The following PHYH variants were observed in gnomAD, a reference collection of about 807,000 sequenced individuals.
PHYH encodes the protein phytanoyl-CoA 2-hydroxylase.
PHYH carries 32 observed loss-of-function variants against 38.5 expected under a neutral mutation model. The ratio of observed to expected loss-of-function variants is 0.83; its 90% CI spans 0.63 to 1.12. The LOEUF is 1.12. PHYH is among the 50% of genes most tolerant of loss of function. The probability of loss-of-function intolerance (pLI) is 0.00; values close to 1 mark genes in which losing one functional copy is unlikely to be tolerated. For synonymous variants in PHYH, 166 were observed against 157.9 expected, an observed-to-expected ratio of 1.05 and a Z score of -0.38; for missense variants, 426 against 434.8, an observed-to-expected ratio of 0.98 and a Z score of 0.18.
At chr10:13,297,244 G>A in intron 2 of PHYH, among the ~76,000 whole-genome samples, 1 of 152,094 alleles carries the variant, frequency 6.6e-6, no homozygotes, top group South Asian at 2.1e-4. Context: ...CTGTCCAGTT[G>A]ATGCATTCCA....
chr10:13,290,237 G>A (rs1292263101), intron 5 of PHYH, among the ~76,000 whole-genome samples: 1 of 151,442 alleles, frequency 6.6e-6, no homozygotes, highest in East Asian at 1.9e-4. Context: ...AGAGGTTGCA[G>A]TAAGCCGAGA....
intron 2 of PHYH, among the ~76,000 whole-genome samples, chr10:13,296,375 G>T (rs538287274): frequency 6.6e-6 from 1 of 151,018 alleles, no homozygotes; most frequent in African/African-American, 2.4e-5. Flanking sequence ...TCGGGAGTTC[G>T]AGACCAGCCT....
chr10:13,294,000 G>C (rs572944265), intron 4 of PHYH, among the ~76,000 whole-genome samples: 1 of 151,860 alleles, frequency 6.6e-6, no homozygotes, highest in Non-Finnish European at 1.5e-5. Flanking sequence ...TCAGAAGTTC[G>C]AGACCAGCCT....
At chr10:13,281,232 G>A in intron 7 of PHYH, 122 bp from the exon 8 acceptor site, 1 of 997,518 alleles carries the variant, frequency 1.0e-6, no homozygotes, top group Non-Finnish European at 1.5e-6. Context: ...TAAGTGGAAA[G>A]TCAGGTCCAT....
intron 5 of PHYH, among the ~76,000 whole-genome samples, chr10:13,291,007 G>T (rs1033430990): frequency 1.4e-5 from 2 of 146,852 alleles, no homozygotes; most frequent in African/African-American, 2.5e-5. Context: ...TGAGGCAGGA[G>T]AATCAGGAAT....
chr10:13,297,144 T>A (rs1169239559), intron 2 of PHYH, among the ~76,000 whole-genome samples: 2 of 152,162 alleles, frequency 1.3e-5, no homozygotes, highest in Non-Finnish European at 2.9e-5. Context: ...GATGATTTTT[T>A]AAAATTCCTT....
intron 1 of PHYH, 69 bp from the exon 2 acceptor site, chr10:13,298,314 TC>T: frequency 1.1e-6 from 1 of 940,530 alleles, no homozygotes; most frequent in Non-Finnish European, 1.7e-6. Context: ...TGCCTGTAAT[TC>T]CAGCACTTTG....
intron 5 of PHYH, among the ~76,000 whole-genome samples, chr10:13,289,636 C>T (rs1835653813): frequency 1.3e-5 from 2 of 151,834 alleles, no homozygotes; most frequent in South Asian, 4.2e-4. Flanking sequence ...TGGCTGATGT[C>T]AAAAAAAGTT....
chr10:13,294,286 G>A, intron 4 of PHYH, 142 bp downstream of exon 4: 1 of 734,304 alleles, frequency 1.4e-6, no homozygotes, highest in East Asian at 2.6e-5. Flanking sequence ...TGGTTCCTGG[G>A]ATCAAGCGAT....
At position 13,281,030 on chromosome 10, in the gene PHYH, T is replaced by C. The variant is rs1030044308; in HGVS notation, c.909A>G (p.Glu303=). Residue 303 remains glutamate, a synonymous_variant, in exon 8 of 9, where the codon GAA becomes GAG. Transcript: ENST00000263038. ...AGAATTTATGTGCTATTCCTACAAC[T>C]TCCTTCTCGATGTTTTCTTGACTGG... ...KGTSQENIEK[E]VVGIAHKFFG... 1 of 1,614,044 alleles carries C rather than the reference T, an allele frequency of 6.2e-7. No homozygotes were observed. The highest frequency in any genetic ancestry group is 8.5e-7 in the Non-Finnish European group (1 of 1,179,876).
At position 13,300,056 on chromosome 10, in the gene PHYH, G is replaced by T. The variant is rs931657484; in HGVS notation, c.-14C>A. The T allele has an allele frequency of 3.9e-6, 6 of 1,529,978 alleles. No homozygotes were observed. In the Admixed American group the frequency reaches 9.9e-5, roughly 25 times the overall value. The allele number at this position is 1,529,978 out of a possible 1,614,324, so 94.8% of individuals were successfully genotyped here. On this transcript the variant is annotated 5_prime_UTR_variant, in exon 1 of 9. Transcript: ENST00000263038. ...AAGCTGCTCCATGGCTGCGGCGCGG[G>T]GAACCCCCACCCCTCCCGGCCTCTG... is the stretch of plus-strand genomic sequence containing the variant.
intron 5 of PHYH, among the ~76,000 whole-genome samples, chr10:13,290,493 C>A (rs1174600721): frequency 2.0e-5 from 3 of 147,684 alleles, no homozygotes; most frequent in Non-Finnish European, 4.5e-5. Context: ...CACATAAACC[C>A]CTCCTGCAGA....
At position 13,294,406 on chromosome 10, in the gene PHYH, C is replaced by T. The variant is rs182047343; in HGVS notation, c.414+22G>A. ...ATACACACTGGCAATTAAGCCGACG[C>T]AAAGCAAGGGTGGTCTCTGACCTCG... On this transcript the variant is annotated intron_variant, in intron 4 of 8. Transcript: ENST00000263038. 6 of 1,613,062 alleles carry T rather than the reference C, an allele frequency of 3.7e-6. No homozygotes were observed. In the East Asian group the frequency reaches 1.3e-4, roughly 36 times the overall value.
At chr10:13,279,187 G>A (rs113467525) in intron 8 of PHYH, among the ~76,000 whole-genome samples, 4 of 152,016 alleles carry the variant, frequency 2.6e-5, no homozygotes, top group East Asian at 2.0e-4. Flanking sequence ...TAGTAGAGAC[G>A]GGGTTTCACC....
At chr10:13,296,163 G>A (rs562130896) in intron 2 of PHYH, among the ~76,000 whole-genome samples, 9 of 151,736 alleles carry the variant, frequency 5.9e-5, no homozygotes, top group East Asian at 3.9e-4. Context: ...GCCAGACTCC[G>A]TCTCAAAAAA....
intron 1 of PHYH, among the ~76,000 whole-genome samples, chr10:13,298,642 AGT>A (rs1416596759): frequency 2.0e-5 from 3 of 151,792 alleles, no homozygotes; most frequent in Non-Finnish European, 4.4e-5. Flanking sequence ...TGGAGATTGC[AGT>A]GAGCTGAGAT....
At chr10:13,284,914 G>A (rs1027982997) in intron 6 of PHYH, among the ~76,000 whole-genome samples, 1 of 152,084 alleles carries the variant, frequency 6.6e-6, no homozygotes, top group Non-Finnish European at 1.5e-5. Context: ...CTCCTGGCCA[G>A]GGTGAATGTG....
rs554241431 is a variant in PHYH at position 13,282,748 on chromosome 10, AT to A, written c.828+941del. On this transcript the variant is annotated intron_variant, in intron 7 of 8. Coordinates refer to ENST00000263038, the MANE Select transcript of PHYH (RefSeq NM_006214.4). The stretch of plus-strand genomic sequence containing the variant: ...AGTGTCTTTTATTTAAACTTTTGGC[AT>A]TGTGCGCAGCCAATACATTGGGTAT... Among the ~76,000 whole-genome samples, 11 of 152,276 alleles carry A rather than the reference AT, an allele frequency of 7.2e-5. No individual in the cohort carries two copies. In the South Asian group the frequency reaches 2.3e-3, roughly 32 times the overall value.
chr10:13,294,932 C>A, intron 3 of PHYH: 1 of 382,064 alleles, frequency 2.6e-6, no homozygotes, highest in Non-Finnish European at 4.9e-6. Context: ...CGTATTTAGT[C>A]CTAATAACAA....
Sources: gnomAD v4.1 joint callset for allele counts (sites outside exome capture counted in the v4.1 genomes callset) on GRCh38, gnomAD v4.1.1 for gene constraint, MANE v1.5 for transcripts, NCBI Gene and HGNC (gene_info 2026-07-23, HGNC 2026-07-21) for gene names.